Variants in METTL22 observed in about 807,000 individuals in gnomAD.
METTL22 encodes the protein methyltransferase-like protein 22.
A neutral mutation model predicts 48.4 loss-of-function variants in METTL22; 51 were observed. The ratio of observed to expected loss-of-function variants is 1.05; its 90% CI spans 0.84 to 1.33. The LOEUF is 1.33. METTL22 is among the 40% of genes most tolerant of loss of function. METTL22 has a pLI of 0.00. For missense variants in METTL22, 678 were observed against 526.9 expected (o/e 1.29, Z -2.81); for synonymous variants, 255 against 214.1 (o/e 1.19, Z -1.67).
At chr16:8,641,419 G>A (rs1438354522) in intron 7 of METTL22, 3 of 628,532 alleles carry the variant, frequency 4.8e-6, no homozygotes, top group African/African-American at 1.8e-5. Context: ...TGGTTTCCCT[G>A]TGTGGTAGCA....
chr16:8,642,082 G>C, intron 7 of METTL22, 45 bp from the exon 8 acceptor site: 2 of 1,473,300 alleles, frequency 1.4e-6, no homozygotes, highest in Non-Finnish European at 1.9e-6. Context: ...TTGGTGGCCA[G>C]GAGAGAAGGC....
At chr16:8,661,219 C>A in the METTL22 span, among the ~76,000 whole-genome samples, 1 of 93,106 alleles carries the variant, frequency 1.1e-5, no homozygotes, top group African/African-American at 2.8e-5. Context: ...GCCATGCCAA[C>A]GTGTGGGTCT....
At chr16:8,666,523 A>G in the METTL22 span, among the ~76,000 whole-genome samples, 1 of 152,224 alleles carries the variant, frequency 6.6e-6, no homozygotes, top group Admixed American at 6.5e-5. Flanking sequence ...TGCTTACTAC[A>G]TGCCAGCCAC....
At position 8,625,700 on chromosome 16, in the gene METTL22, A is replaced by C; in HGVS notation, c.35A>C (p.Glu12Ala). The change falls in exon 2 of 11, where the codon GAG becomes GCG. Residue 12 changes from glutamate (E) to alanine (A), a missense_variant. Transcript: ENST00000381920. ...VQLAPAAAMD[E>A]VTFRSDTVLS... is the part of the protein sequence containing the mutation. The stretch of plus-strand genomic sequence containing the variant: ...CTGGCTCCTGCGGCAGCCATGGACG[A>C]GGTCACCTTTAGGAGCGACACTGTG... 6.2e-7 allele frequency: 1 copy of C among 1,614,194 alleles called. No individual in the cohort carries two copies. Among genetic ancestry groups the C allele is most frequent in the African/African-American group, 1.3e-5 (1 of 75,050 alleles).
At chr16:8,624,757 GA>G (rs1417748258) in intron 1 of METTL22, among the ~76,000 whole-genome samples, 1 of 152,026 alleles carries the variant, frequency 6.6e-6, no homozygotes, top group Non-Finnish European at 1.5e-5. Flanking sequence ...TCCTAACTAT[GA>G]AGGAGGTTGA....
chr16:8,636,468 C>G (rs2056425123), intron 5 of METTL22, among the ~76,000 whole-genome samples: 1 of 146,176 alleles, frequency 6.8e-6, no homozygotes, highest in African/African-American at 2.6e-5. Flanking sequence ...TTGCAGTGAG[C>G]TGAGATTGCA....
the METTL22 span, among the ~76,000 whole-genome samples, chr16:8,658,127 T>C: frequency 6.6e-6 from 1 of 152,042 alleles, no homozygotes; most frequent in Admixed American, 6.6e-5. Context: ...CCTGATGTCT[T>C]TATAAGAGAA....
chr16:8,626,443 G>A (rs934742243), intron 2 of METTL22, among the ~76,000 whole-genome samples: 3 of 145,352 alleles, frequency 2.1e-5, no homozygotes, highest in African/African-American at 7.8e-5. Flanking sequence ...TCTGTCCTCT[G>A]CTCTTTTTTT....
At chr16:8,657,910 G>C in the METTL22 span, among the ~76,000 whole-genome samples, 13 of 151,342 alleles carry the variant, frequency 8.6e-5, no homozygotes, top group Non-Finnish European at 1.6e-4. Context: ...TCAACCTCCT[G>C]GACTCAAGCT....
In METTL22 at chr16:8,641,626, T is replaced by A. The variant is rs148998267; in HGVS notation, c.826+442T>A. Reference sequence around the variant, plus strand: ...ACTTCAGACCTGGGTGCTTGCTCTTTCTTTGTATAAAGATGTCTTTTTTTT... The same window carrying A: ...ACTTCAGACCTGGGTGCTTGCTCTTACTTTGTATAAAGATGTCTTTTTTTT... On this transcript the variant is annotated intron_variant, in intron 7 of 10. Coordinates refer to ENST00000381920, the MANE Select transcript of METTL22 (RefSeq NM_024109.4). 3,781 of 370,190 alleles carry A rather than the reference T, an allele frequency of 0.01. 292 individuals carry two copies. In the Admixed American group the frequency reaches 0.14, roughly 14 times the overall value. 22.9% of individuals were successfully genotyped at this position (370,190 alleles called of 1,614,324 possible).
intron 3 of METTL22, chr16:8,631,480 A>C (rs1042428771): frequency 3.3e-5 from 5 of 152,160 alleles, no homozygotes; most frequent in African/African-American, 1.2e-4. Context: ...TTGTCTGTAC[A>C]AGGGGTACAA....
the METTL22 span, among the ~76,000 whole-genome samples, chr16:8,655,016 C>T: frequency 1.3e-5 from 2 of 152,230 alleles, no homozygotes; most frequent in Admixed American, 6.5e-5. Flanking sequence ...GTAACTCAAA[C>T]CTGCTGGGCC....
At chr16:8,642,982 C>G (rs1213004179) in intron 9 of METTL22, 2 of 205,436 alleles carry the variant, frequency 9.7e-6, no homozygotes, top group African/African-American at 4.5e-5. Context: ...CTTGCTGAAT[C>G]GGACAGCTCC....
intron 1 of METTL22, among the ~76,000 whole-genome samples, chr16:8,624,472 T>C (rs2055972138): frequency 6.6e-6 from 1 of 151,922 alleles, no homozygotes; most frequent in Non-Finnish European, 1.5e-5. Flanking sequence ...CCCTGCCTTT[T>C]GGTGTCAAGC....
At chr16:8,659,884 C>G in the METTL22 span, among the ~76,000 whole-genome samples, 13 of 152,000 alleles carry the variant, frequency 8.6e-5, no homozygotes, top group Admixed American at 4.6e-4. Flanking sequence ...GTCACCATAC[C>G]CAGCTAATTT....
At chr16:8,628,586 G>A in intron 2 of METTL22, 144 bp from the exon 3 acceptor site, 1 of 1,105,572 alleles carries the variant, frequency 9.0e-7, no homozygotes, top group Non-Finnish European at 1.2e-6. Context: ...GAATCAAGTG[G>A]GCCTTTTCTG....
At chr16:8,626,822 T>C (rs2056076450) in intron 2 of METTL22, among the ~76,000 whole-genome samples, 1 of 121,270 alleles carries the variant, frequency 8.2e-6, no homozygotes, top group East Asian at 2.4e-4. Flanking sequence ...TGGAGTGCAG[T>C]GGCATGCGAT....
At chr16:8,635,652 G>A (rs2056402033) in intron 5 of METTL22, among the ~76,000 whole-genome samples, 1 of 152,184 alleles carries the variant, frequency 6.6e-6, no homozygotes, top group South Asian at 2.1e-4. Flanking sequence ...GCCTTTGAAA[G>A]CAAGTTTATT....
At position 8,626,761 on chromosome 16, in the gene METTL22, C is replaced by CTTTTTT. The variant is rs34726811; in HGVS notation, c.133+981_133+986dup. On this transcript the variant is annotated intron_variant, in intron 2 of 10. Coordinates refer to ENST00000381920, the MANE Select transcript of METTL22 (RefSeq NM_024109.4). Reference sequence around the variant, plus strand: ...ACCGCATCCAACCCTGTCCTCTACTCTTTTTTTTTTTTTTTTTTTTTTTGA... The same window carrying CTTTTTT: ...ACCGCATCCAACCCTGTCCTCTACTCTTTTTTTTTTTTTTTTTTTTTTTTTTTTTGA... 9.3e-4 allele frequency among the ~76,000 whole-genome samples: 49 copies of CTTTTTT among 52,538 alleles called. 3 individuals are homozygous for CTTTTTT. The highest frequency in any genetic ancestry group is 1.3e-3 in the Non-Finnish European group (39 of 30,790). The allele number at this position is 52,538 out of a possible 152,430, so 34.5% of individuals were successfully genotyped here.
Sources: gnomAD v4.1 joint callset for allele counts (sites outside exome capture counted in the v4.1 genomes callset) on GRCh38, gnomAD v4.1.1 for gene constraint, MANE v1.5 for transcripts, NCBI Gene and HGNC (gene_info 2026-07-23, HGNC 2026-07-21) for gene names.